The following BMP6 variants were observed in gnomAD, a reference collection of about 807,000 sequenced individuals.
BMP6 encodes the protein bone morphogenetic protein 6, also known as VG-1-R.
Under a neutral mutation model 54.1 loss-of-function variants are expected in BMP6, and 17 were observed. The observed-to-expected ratio is 0.31, with a 90% confidence interval of 0.22 to 0.47. BMP6 has a LOEUF of 0.47. Ranked by LOEUF, BMP6 falls within the 20% of genes least tolerant of loss-of-function variation. The pLI is 1.00. For synonymous variants in BMP6, 328 were observed against 291.2 expected, an observed-to-expected ratio of 1.13 and a Z score of -1.28; for missense variants, 720 against 690.4, an observed-to-expected ratio of 1.04 and a Z score of -0.48.
intron 1 of BMP6, among the ~76,000 whole-genome samples, chr6:7,782,838 C>T (rs528419089): frequency 6.6e-6 from 1 of 152,174 alleles, no homozygotes; most frequent in South Asian, 2.1e-4. Flanking sequence ...AAGAGGAAAA[C>T]CGGAGTTCTG....
chr6:7,756,468 G>A (rs1757516555), intron 1 of BMP6, among the ~76,000 whole-genome samples: 1 of 151,974 alleles, frequency 6.6e-6, no homozygotes, highest in Admixed American at 6.6e-5. Flanking sequence ...TATCACCTCT[G>A]TTATTTCTGA....
chr6:7,824,278 GC>G (rs1212482258), intron 1 of BMP6, among the ~76,000 whole-genome samples: 1 of 152,120 alleles, frequency 6.6e-6, no homozygotes, highest in Non-Finnish European at 1.5e-5. Flanking sequence ...TTTCTGACTG[GC>G]CCAGATCTCC....
At chr6:7,732,105 C>T (rs967707344) in intron 1 of BMP6, among the ~76,000 whole-genome samples, 7 of 152,096 alleles carry the variant, frequency 4.6e-5, no homozygotes, top group Admixed American at 1.3e-4. Context: ...AGATATAATG[C>T]GCTATCTCTT....
intron 4 of BMP6, among the ~76,000 whole-genome samples, chr6:7,867,263 A>C (rs960382918): frequency 3.9e-5 from 6 of 152,206 alleles, no homozygotes; most frequent in African/African-American, 1.4e-4. Flanking sequence ...GCTCTAGTAC[A>C]TTCAGGGATA....
At chr6:7,829,467 G>T (rs1758754585) in intron 1 of BMP6, among the ~76,000 whole-genome samples, 1 of 152,174 alleles carries the variant, frequency 6.6e-6, no homozygotes, top group Non-Finnish European at 1.5e-5. Flanking sequence ...ACTTTGGGAG[G>T]CTGAGTCAGG....
At chr6:7,759,687 T>TTTC (rs1161535552) in intron 1 of BMP6, among the ~76,000 whole-genome samples, 3 of 134,196 alleles carry the variant, frequency 2.2e-5, no homozygotes, top group South Asian at 2.4e-4. Flanking sequence ...GACTAATTTC[T>TTTC]TTCTTCTTCT....
chr6:7,787,040 G>A (rs767992310), intron 1 of BMP6, among the ~76,000 whole-genome samples: 3 of 152,150 alleles, frequency 2.0e-5, no homozygotes, highest in South Asian at 2.1e-4. Flanking sequence ...CTAAAGTGAC[G>A]AGTGTAAGTT....
chr6:7,851,735 ATTC>A (rs1221360639), intron 2 of BMP6, among the ~76,000 whole-genome samples: 10 of 152,222 alleles, frequency 6.6e-5, no homozygotes, highest in Non-Finnish European at 1.3e-4. Context: ...GATAAAGGAA[ATTC>A]TTCTCTATTT....
rs907189828 is a variant in BMP6, at chr6:7,726,837, C to T, written c.-119C>T. The T allele has an allele frequency of 2.2e-5, 12 of 554,378 alleles. No individual in the cohort carries two copies. In the South Asian group the frequency reaches 4.8e-4, roughly 22 times the overall value. The allele number at this position is 554,378 out of a possible 1,614,324, so 34.3% of individuals were successfully genotyped here. A position where few individuals can be genotyped will look rare whatever the true frequency, so the allele number is the denominator to read the frequency against. On this transcript the variant is annotated 5_prime_UTR_variant, in exon 1 of 7. Coordinates refer to ENST00000283147, the MANE Select transcript of BMP6 (RefSeq NM_001718.6). ...AGGACTGAGGGCCAGGAAGGGGAAG[C>T]GAGCCCGCCGAGAGGTGGCGGGGAC... is the stretch of plus-strand genomic sequence containing the variant.
intron 2 of BMP6, among the ~76,000 whole-genome samples, chr6:7,852,628 G>A (rs1027717320): frequency 3.3e-5 from 5 of 152,090 alleles, no homozygotes; most frequent in Non-Finnish European, 7.4e-5. Context: ...AACCATAAAA[G>A]TCTGGAATGT....
intron 1 of BMP6, among the ~76,000 whole-genome samples, chr6:7,844,130 G>A (rs938795457): frequency 1.3e-5 from 2 of 152,048 alleles, no homozygotes; most frequent in African/African-American, 4.8e-5. Context: ...ATATGAGTGA[G>A]GTCGTGCAGT....
intron 1 of BMP6, among the ~76,000 whole-genome samples, chr6:7,766,149 A>G (rs1716030013): frequency 6.6e-6 from 1 of 152,190 alleles, no homozygotes; most frequent in Non-Finnish European, 1.5e-5. Flanking sequence ...CAGTTTTTAA[A>G]GGGGAGATTC....
chr6:7,844,867 C>T (rs1037084117), intron 1 of BMP6, among the ~76,000 whole-genome samples: 2 of 152,190 alleles, frequency 1.3e-5, no homozygotes, highest in African/African-American at 4.8e-5. Flanking sequence ...GTTTTCATAA[C>T]TTGCTCTCAT....
At chr6:7,731,940 A>G (rs1291743355) in intron 1 of BMP6, among the ~76,000 whole-genome samples, 1 of 152,236 alleles carries the variant, frequency 6.6e-6, no homozygotes, top group East Asian at 1.9e-4. Flanking sequence ...GCAATTTAAA[A>G]AACTCAAATT....
chr6:7,807,318 A>AT (rs1254287731), intron 1 of BMP6, among the ~76,000 whole-genome samples: 2 of 151,966 alleles, frequency 1.3e-5, no homozygotes, highest in East Asian at 3.9e-4. Context: ...TTTGAGACAG[A>AT]TTTTTGCTCT....
chr6:7,818,587 C>T (rs188361748), intron 1 of BMP6, among the ~76,000 whole-genome samples: 114 of 152,300 alleles, frequency 7.5e-4, no homozygotes, highest in Non-Finnish European at 7.9e-4. Context: ...TCCTGCTAGA[C>T]GGTGTTTAAT....
intron 1 of BMP6, among the ~76,000 whole-genome samples, chr6:7,729,261 G>C (rs35678549): frequency 0.024 from 3,700 of 152,278 alleles, 68 homozygotes; most frequent in Admixed American, 0.048. Context: ...CTTTTCTGCT[G>C]CTTCTGACTT....
At chr6:7,761,386 A>G (rs553528505) in intron 1 of BMP6, among the ~76,000 whole-genome samples, 7 of 152,366 alleles carry the variant, frequency 4.6e-5, no homozygotes, top group Non-Finnish European at 8.8e-5. Context: ...AGACAGAAGG[A>G]GCACAGTATA....
chr6:7,876,853 TCTTC>T (rs1160502921), intron 4 of BMP6, among the ~76,000 whole-genome samples: 5 of 152,336 alleles, frequency 3.3e-5, no homozygotes, highest in Non-Finnish European at 5.9e-5. Context: ...GTCCTTCTTT[TCTTC>T]CTTCCATTAT....
Sources: allele counts gnomAD v4.1 joint callset (sites outside exome capture counted in the v4.1 genomes callset), GRCh38; gene constraint gnomAD v4.1.1; transcripts MANE v1.5; gene names NCBI Gene and HGNC (gene_info 2026-07-23, HGNC 2026-07-21).